The following KYNU variants were observed in gnomAD, a reference collection of about 807,000 sequenced individuals.
The protein encoded by KYNU is L-kynurenine hydrolase.
A neutral mutation model predicts 59.2 loss-of-function variants in KYNU; 54 were observed. The ratio of observed to expected loss-of-function variants is 0.91; its 90% CI spans 0.73 to 1.14. KYNU has a LOEUF of 1.14. Ranked by LOEUF, KYNU falls within the 50% of genes most tolerant of loss-of-function variation. The probability of loss-of-function intolerance (pLI) is 0.00; values close to 1 mark genes in which losing one functional copy is unlikely to be tolerated. For synonymous variants in KYNU, 177 were observed against 192.0 expected (o/e 0.92, Z 0.65); for missense variants, 567 against 554.4 (o/e 1.02, Z -0.23).
intron 10 of KYNU, among the ~76,000 whole-genome samples, chr2:143,005,547 A>G (rs1338100825): frequency 6.6e-6 from 1 of 152,112 alleles, no homozygotes; most frequent in Non-Finnish European, 1.5e-5. Context: ...ATGTCAGTAA[A>G]TTTCCCGGGA....
At chr2:142,902,592 C>T (rs1233480478) in intron 2 of KYNU, among the ~76,000 whole-genome samples, 1 of 151,954 alleles carries the variant, frequency 6.6e-6, no homozygotes, top group Non-Finnish European at 1.5e-5. Context: ...TACTGAGGGC[C>T]CTGGTGCCTT....
chr2:142,986,894 C>T (rs1475965943), intron 10 of KYNU, among the ~76,000 whole-genome samples: 2 of 151,830 alleles, frequency 1.3e-5, no homozygotes. Flanking sequence ...GGCTTTGGAG[C>T]ACCTCACATT....
rs1031922730 is a variant in KYNU at position 142,885,410 on chromosome 2, C to T, written c.43C>T (p.Arg15Cys). The T allele has an allele frequency of 6.8e-6, 11 of 1,613,848 alleles. No individual in the cohort carries two copies. The highest frequency in any genetic ancestry group is 1.6e-4 in the Middle Eastern group (1 of 6,078). ...SLELPADTVQ[R>C]IAAELKCHPT... ...TGAGCTGCCGGCTGACACAGTGCAG[C>T]GCATTGCGGCTGAACTCAAATGCCA... Residue 15 changes from arginine to cysteine, a missense_variant, in exon 2 of 14, where the codon CGC (arginine) becomes TGC (cysteine). By Grantham distance (180) the Arg-to-Cys change is radical (BLOSUM62 -3). Transcript: ENST00000264170.
In KYNU at chr2:143,050,951, G is replaced by C. The variant is rs538483630; in HGVS notation, c.*8779G>C. The stretch of plus-strand genomic sequence containing the variant: ...GGGAATCAAAGTATTAGGGTACCTT[G>C]TTACTGAGATTATGGATGTGATGCT... On this transcript the variant is annotated 3_prime_UTR_variant, in exon 14 of 14. Coordinates refer to ENST00000264170, the MANE Select transcript of KYNU (RefSeq NM_003937.3). 6.6e-6 allele frequency: 1 copy of C among 152,120 alleles called. No homozygotes were observed. The highest frequency in any genetic ancestry group is 1.5e-5 in the Non-Finnish European group (1 of 68,022). 9.4% of individuals were successfully genotyped at this position (152,120 alleles called of 1,614,324 possible).
rs148747360 is a variant in KYNU, at chr2:142,898,276, G to A, written c.169+12740G>A. ...TTTTTCTTTTTTTTTTTCATACTTC[G>A]AGGCCAAAAAATTGTCATCAAGATC... On this transcript the variant is annotated intron_variant, in intron 2 of 13. Coordinates refer to ENST00000264170, the MANE Select transcript of KYNU (RefSeq NM_003937.3). Among the ~76,000 whole-genome samples the A allele has an allele frequency of 8.0e-3, 1,180 of 147,736 alleles. 10 individuals are homozygous for A. Among genetic ancestry groups the A allele is most frequent in the Middle Eastern group, 0.021 (6 of 286 alleles).
chr2:143,020,716 G>A (rs71423257), intron 10 of KYNU, among the ~76,000 whole-genome samples: 12,611 of 152,048 alleles, frequency 0.083, 728 homozygotes, highest in East Asian at 0.22. Flanking sequence ...GGTTCCTTTC[G>A]ATCTTGGACT....
At chr2:143,014,208 A>G (rs1476396575) in intron 10 of KYNU, among the ~76,000 whole-genome samples, 2 of 152,228 alleles carry the variant, frequency 1.3e-5, no homozygotes, top group Non-Finnish European at 2.9e-5. Context: ...GGCTCAGGCC[A>G]TTTCCATCAT....
intron 4 of KYNU, among the ~76,000 whole-genome samples, chr2:142,936,572 C>T (rs1320415614): frequency 1.3e-5 from 2 of 152,064 alleles, no homozygotes; most frequent in African/African-American, 2.4e-5. Flanking sequence ...TTTTCGTTCC[C>T]GGAATGGGAT....
chr2:142,976,699 A>G (rs187298171), intron 8 of KYNU, among the ~76,000 whole-genome samples: 9 of 152,310 alleles, frequency 5.9e-5, no homozygotes, highest in Admixed American at 5.9e-4. Context: ...TAGAAAGTTT[A>G]TCTTGCCAAG....
rs1455531126 is a variant in KYNU at position 142,996,017 on chromosome 2, G to GCCTTTCTT, written c.902+9998_902+10005dup. Among the ~76,000 whole-genome samples the GCCTTTCTT allele has an allele frequency of 6.6e-5, 10 of 152,088 alleles. No homozygotes were observed. The East Asian group carries it at 1.9e-3, about 30-fold the overall frequency. On this transcript the variant is annotated intron_variant, in intron 10 of 13. Transcript: ENST00000264170. ...TACCAAACGTGTCTCTGTTTCCTAAGCCTTTCTTCTCACTACACATGGTAG... is the reference window on the plus strand; with the variant it reads ...TACCAAACGTGTCTCTGTTTCCTAAGCCTTTCTTCCTTTCTTCTCACTACACATGGTAG...
chr2:142,934,258 TG>T (rs1476422392), intron 4 of KYNU, among the ~76,000 whole-genome samples: 1 of 151,882 alleles, frequency 6.6e-6, no homozygotes, highest in African/African-American at 2.4e-5. Flanking sequence ...GCAATGTGGA[TG>T]GGGGTGTGGT....
intron 2 of KYNU, among the ~76,000 whole-genome samples, chr2:142,901,432 T>C (rs1682084984): frequency 1.3e-5 from 2 of 152,124 alleles, no homozygotes; most frequent in Non-Finnish European, 2.9e-5. Flanking sequence ...TAATGGAGAG[T>C]TCTGCCTTGT....
At chr2:142,961,820 C>T (rs942606792) in intron 8 of KYNU, among the ~76,000 whole-genome samples, 13 of 152,116 alleles carry the variant, frequency 8.5e-5, no homozygotes, top group Non-Finnish European at 1.6e-4. Flanking sequence ...CTATTTCATT[C>T]AGCAATCAAG....
At chr2:143,005,276 A>T (rs1033940922) in intron 10 of KYNU, among the ~76,000 whole-genome samples, 2 of 152,150 alleles carry the variant, frequency 1.3e-5, no homozygotes, top group African/African-American at 4.8e-5. Context: ...AGCGAAAATG[A>T]CCTACCTGGT....
intron 8 of KYNU, among the ~76,000 whole-genome samples, chr2:142,976,408 T>A (rs1573861633): frequency 6.6e-6 from 1 of 152,316 alleles, no homozygotes; most frequent in East Asian, 1.9e-4. Context: ...CCCACCTGAG[T>A]GGCATGGAGA....
intron 5 of KYNU, 41 bp from the exon 6 acceptor site, chr2:142,956,162 T>G: frequency 9.4e-7 from 1 of 1,061,858 alleles, no homozygotes; most frequent in Non-Finnish European, 1.5e-6. Context: ...AATGTATAAA[T>G]TGTGTATTAA....
chr2:142,992,010 T>TTACTC (rs1364406813), intron 10 of KYNU, among the ~76,000 whole-genome samples: 1 of 151,946 alleles, frequency 6.6e-6, no homozygotes, highest in African/African-American at 2.4e-5. Context: ...TCTCTATGAA[T>TTACTC]TACTCTACAA....
Position 143,042,137 on chromosome 2 carries a change from A to G in KYNU, c.1363A>G (p.Thr455Ala), listed in dbSNP as rs1687075031. ...HDVYKFTNLL[T>A]SILDSAETKN The stretch of plus-strand genomic sequence containing the variant: ...TGTTTATAAATTTACCAATCTGCTC[A>G]CTTCTATACTTGACTCTGCAGAAAC... The change falls in exon 14 of 14, where the codon ACT becomes GCT. Residue 455 changes from threonine (T) to alanine (A), a missense_variant. Physicochemically the swap from Thr to Ala is moderately conservative, Grantham distance 58 (BLOSUM62 0). Coordinates refer to ENST00000264170, the MANE Select transcript of KYNU (RefSeq NM_003937.3). 1 of 1,610,216 alleles carries G rather than the reference A, an allele frequency of 6.2e-7. No homozygotes were observed. Among genetic ancestry groups the G allele is most frequent in the Non-Finnish European group, 8.5e-7 (1 of 1,178,384 alleles).
In KYNU at chr2:143,054,737, C is replaced by CA. The variant is rs1687325131; in HGVS notation, c.*12566dup. 6.6e-6 allele frequency: 1 copy of CA among 152,112 alleles called. No homozygotes were observed. Among genetic ancestry groups the CA allele is most frequent in the Non-Finnish European group, 1.5e-5 (1 of 68,026 alleles). The allele number at this position is 152,112 out of a possible 1,614,324, so 9.4% of individuals were successfully genotyped here. A position where few individuals can be genotyped will look rare whatever the true frequency, so the allele number is the denominator to read the frequency against. ...AAATGATACCATAAAGAGTCAAATA[C>CA]AGGGCATGCAACATAGCTGCTGATT... is the stretch of plus-strand genomic sequence containing the variant. On this transcript the variant is annotated 3_prime_UTR_variant, in exon 14 of 14. Coordinates refer to ENST00000264170, the MANE Select transcript of KYNU (RefSeq NM_003937.3).
Sources: allele counts gnomAD v4.1 joint callset (sites outside exome capture counted in the v4.1 genomes callset), GRCh38; gene constraint gnomAD v4.1.1; transcripts MANE v1.5; gene names NCBI Gene and HGNC (gene_info 2026-07-23, HGNC 2026-07-21).